Variants in CLVS1 observed in about 807,000 individuals in gnomAD.
CLVS1 encodes clavesin 1.
In CLVS1, 10 loss-of-function variants were observed where a neutral mutation model predicts 33.1. The observed-to-expected ratio is 0.30, with a 90% CI of 0.19 to 0.51. The LOEUF (loss-of-function observed/expected upper bound fraction) is 0.51. Among genes scored for constraint, CLVS1 ranks in the 20% least tolerant of loss-of-function variants. The pLI, the probability that CLVS1 is intolerant of heterozygous loss-of-function variation, is 0.97. For missense variants in CLVS1, 343 were observed against 433.4 expected, an observed-to-expected ratio of 0.79 and a Z score of 1.85; for synonymous variants, 163 against 166.1, an observed-to-expected ratio of 0.98 and a Z score of 0.14.
intron 2 of CLVS1, among the ~76,000 whole-genome samples, chr8:61,248,087 A>G (rs1808856410): frequency 6.6e-6 from 1 of 152,172 alleles, no homozygotes; most frequent in African/African-American, 2.4e-5. Flanking sequence ...CAAAGATTGG[A>G]TGGCTGTAGA....
intron 4 of CLVS1, among the ~76,000 whole-genome samples, 158 bp from the exon 5 acceptor site, chr8:61,458,149 A>T (rs1456219711): frequency 6.6e-6 from 1 of 152,260 alleles, no homozygotes; most frequent in East Asian, 1.9e-4. Context: ...TTAACATTTT[A>T]TGAAGACTAA....
chr8:61,405,771 G>GC (rs1814963206), intron 3 of CLVS1, among the ~76,000 whole-genome samples: 1 of 149,754 alleles, frequency 6.7e-6, no homozygotes, highest in African/African-American at 2.5e-5. Context: ...ATAGTCAGGT[G>GC]CCACTGTCTT....
the CLVS1 span, among the ~76,000 whole-genome samples, chr8:61,029,227 T>C: frequency 6.6e-6 from 1 of 152,228 alleles, no homozygotes; most frequent in East Asian, 1.9e-4. Context: ...TTGAGGACTC[T>C]AACCCAGGTT....
intron 2 of CLVS1, among the ~76,000 whole-genome samples, chr8:61,353,884 T>C (rs1343545989): frequency 5.3e-5 from 8 of 151,634 alleles, no homozygotes; most frequent in Non-Finnish European, 1.0e-4. Flanking sequence ...AAATTAGCAA[T>C]ATTGGAAATG....
chr8:61,125,618 A>C (rs551919782), intron 1 of CLVS1, among the ~76,000 whole-genome samples: 1 of 152,344 alleles, frequency 6.6e-6, no homozygotes, highest in Admixed American at 6.5e-5. Flanking sequence ...GGGATTTAAA[A>C]TAAACAGCCA....
intron 2 of CLVS1, among the ~76,000 whole-genome samples, chr8:61,317,651 C>T (rs930024852): frequency 6.6e-6 from 1 of 152,172 alleles, no homozygotes; most frequent in Non-Finnish European, 1.5e-5. Flanking sequence ...TTCTTCACTT[C>T]TCCACTTTCT....
chr8:61,078,303 C>T (rs984833550), intron 1 of CLVS1, among the ~76,000 whole-genome samples: 1 of 152,204 alleles, frequency 6.6e-6, no homozygotes, highest in Non-Finnish European at 1.5e-5. Flanking sequence ...GTGACGAGGG[C>T]CAGGTGATTA....
chr8:61,417,131 G>C (rs1037354725), intron 3 of CLVS1, among the ~76,000 whole-genome samples: 3 of 152,114 alleles, frequency 2.0e-5, no homozygotes, highest in Non-Finnish European at 4.4e-5. Context: ...GAGTGTCAAG[G>C]GGAGACCATG....
At chr8:61,450,233 C>T (rs1816904957) in intron 3 of CLVS1, among the ~76,000 whole-genome samples, 3 of 152,106 alleles carry the variant, frequency 2.0e-5, no homozygotes, top group Admixed American at 6.5e-5. Context: ...GGTAAACTTA[C>T]CACAACTCTT....
chr8:61,357,488 TCTTTTC>T (rs1812770881), intron 2 of CLVS1, among the ~76,000 whole-genome samples: 2 of 132,276 alleles, frequency 1.5e-5, no homozygotes, highest in Admixed American at 8.0e-5. Context: ...CTTTCCTTTT[TCTTTTC>T]TTTTTTTTTT....
chr8:61,149,335 T>G (rs1005867866), intron 2 of CLVS1, among the ~76,000 whole-genome samples: 7 of 152,022 alleles, frequency 4.6e-5, no homozygotes, highest in Admixed American at 1.3e-4. Flanking sequence ...GTGGATCACC[T>G]GAGGTCAGGG....
intron 2 of CLVS1, among the ~76,000 whole-genome samples, chr8:61,151,789 C>A (rs1806542555): frequency 6.6e-6 from 1 of 152,188 alleles, no homozygotes. Flanking sequence ...GAAGTAGTTT[C>A]TAATTCATGT....
chr8:61,426,534 C>G (rs1406035486), intron 3 of CLVS1, among the ~76,000 whole-genome samples: 2 of 152,128 alleles, frequency 1.3e-5, no homozygotes, highest in Non-Finnish European at 2.9e-5. Flanking sequence ...AGTAGAAAGC[C>G]ATAGGTTGAA....
At chr8:61,248,173 T>C (rs1029175136) in intron 2 of CLVS1, among the ~76,000 whole-genome samples, 1 of 152,194 alleles carries the variant, frequency 6.6e-6, no homozygotes, top group Non-Finnish European at 1.5e-5. Flanking sequence ...TACCATGCTG[T>C]TTTGGTCACT....
chr8:61,389,201 A>T (rs1814203913), intron 3 of CLVS1, among the ~76,000 whole-genome samples: 1 of 152,222 alleles, frequency 6.6e-6, no homozygotes, highest in African/African-American at 2.4e-5. Flanking sequence ...CTCAATGAAG[A>T]ATTTGGGTTG....
intron 2 of CLVS1, among the ~76,000 whole-genome samples, chr8:61,303,842 C>T (rs142045280): frequency 6.4e-4 from 98 of 152,196 alleles, no homozygotes; most frequent in African/African-American, 1.9e-3. Flanking sequence ...GTTTGATACA[C>T]GGTAAGCACT....
At chr8:61,229,902 A>T (rs1333718145) in intron 2 of CLVS1, among the ~76,000 whole-genome samples, 1 of 152,222 alleles carries the variant, frequency 6.6e-6, no homozygotes, top group Non-Finnish European at 1.5e-5. Context: ...GTGGGATTAC[A>T]GGCCTGAGCC....
At chr8:61,037,764 C>G in the CLVS1 span, among the ~76,000 whole-genome samples, 3 of 152,172 alleles carry the variant, frequency 2.0e-5, no homozygotes, top group South Asian at 6.2e-4. Context: ...AGGGCAAACC[C>G]CAGAGCTGTC....
chr8:61,244,595 T>C (rs566708818), intron 2 of CLVS1, among the ~76,000 whole-genome samples: 41 of 152,300 alleles, frequency 2.7e-4, no homozygotes, highest in African/African-American at 9.6e-4. Flanking sequence ...TAATGAAAAC[T>C]TATACAACAC....
Sources: gnomAD v4.1 joint callset for allele counts (sites outside exome capture counted in the v4.1 genomes callset) on GRCh38, gnomAD v4.1.1 for gene constraint, MANE v1.5 for transcripts, NCBI Gene and HGNC (gene_info 2026-07-23, HGNC 2026-07-21) for gene names.